IRAG1: variants seen among roughly 807,000 people sequenced by gnomAD.
IRAG1 encodes inositol 1,4,5-triphosphate receptor associated 1.
Under a neutral mutation model 106.2 loss-of-function variants are expected in IRAG1, and 62 were observed. The observed-to-expected ratio is 0.58, with a 90% CI of 0.48 to 0.72. IRAG1 has a LOEUF of 0.72. Ranked by LOEUF, IRAG1 falls within the 30% of genes least tolerant of loss-of-function variation. The pLI is 0.00. For missense variants in IRAG1, 1,064 were observed against 1,140.7 expected (o/e 0.93, Z 0.97); for synonymous variants, 462 against 443.9 (o/e 1.04, Z -0.51).
At chr11:10,597,627 G>C (rs940990270) in intron 15 of IRAG1, among the ~76,000 whole-genome samples, 1 of 152,144 alleles carries the variant, frequency 6.6e-6, no homozygotes, top group African/African-American at 2.4e-5. Context: ...AAAGTGTTAG[G>C]ATTACAGACG....
At chr11:10,606,834 C>T (rs1854515483) in intron 11 of IRAG1, 62 bp from the exon 12 acceptor site, 1 of 1,467,322 alleles carries the variant, frequency 6.8e-7, no homozygotes. Context: ...CCAAAGGTGA[C>T]TCTGAATGAC....
At chr11:10,643,233 C>T (rs1857676984) in intron 2 of IRAG1, among the ~76,000 whole-genome samples, 1 of 144,220 alleles carries the variant, frequency 6.9e-6, no homozygotes, top group Non-Finnish European at 1.5e-5. Context: ...AAATGATTAT[C>T]CCAGCGGCAA....
chr11:10,614,919 CA>C (rs1855273298), intron 10 of IRAG1, among the ~76,000 whole-genome samples: 1 of 152,168 alleles, frequency 6.6e-6, no homozygotes, highest in Admixed American at 6.5e-5. Flanking sequence ...GCAATGGCAA[CA>C]AAAGCCAAAA....
At chr11:10,651,513 G>A (rs1858503710) in intron 2 of IRAG1, among the ~76,000 whole-genome samples, 2 of 152,116 alleles carry the variant, frequency 1.3e-5, no homozygotes, top group African/African-American at 4.8e-5. Context: ...AGCTTGTTTT[G>A]AATGCCTCAT....
intron 1 of IRAG1, among the ~76,000 whole-genome samples, chr11:10,686,183 C>T (rs1237204387): frequency 6.6e-6 from 1 of 152,070 alleles, no homozygotes; most frequent in Non-Finnish European, 1.5e-5. Flanking sequence ...GGTACTTATT[C>T]AGGTATAAGT....
chr11:10,666,383 CA>C (rs1859786473), intron 1 of IRAG1, among the ~76,000 whole-genome samples: 1 of 152,208 alleles, frequency 6.6e-6, no homozygotes, highest in African/African-American at 2.4e-5. Flanking sequence ...GGTTTGAGCT[CA>C]GGGGAGCCTG....
At chr11:10,606,835 T>C in intron 11 of IRAG1, 63 bp from the exon 12 acceptor site, 1 of 1,467,620 alleles carries the variant, frequency 6.8e-7, no homozygotes, top group Non-Finnish European at 9.2e-7. Context: ...CAAAGGTGAC[T>C]CTGAATGACC....
chr11:10,670,091 T>C (rs1874444), intron 1 of IRAG1, among the ~76,000 whole-genome samples: 33,063 of 152,242 alleles, frequency 0.22, 4,999 homozygotes, highest in East Asian at 0.81. Flanking sequence ...CACCTTGTTT[T>C]TGGCTTTTGC....
At chr11:10,592,734 C>A (rs1564895301) in intron 17 of IRAG1, among the ~76,000 whole-genome samples, 1 of 152,072 alleles carries the variant, frequency 6.6e-6, no homozygotes, top group East Asian at 1.9e-4. Flanking sequence ...CCAATACATT[C>A]TTATTATAGA....
chr11:10,638,179 T>C (rs999164325), intron 2 of IRAG1, among the ~76,000 whole-genome samples: 2 of 152,192 alleles, frequency 1.3e-5, no homozygotes, highest in African/African-American at 4.8e-5. Flanking sequence ...CTAGTAGTGT[T>C]TACAAGTTTT....
chr11:10,637,336 C>T (rs138867704), intron 2 of IRAG1, among the ~76,000 whole-genome samples: 2 of 152,112 alleles, frequency 1.3e-5, no homozygotes, highest in African/African-American at 4.8e-5. Context: ...CCTCATGATC[C>T]CAGAGCTCCA....
chr11:10,601,180 C>T, intron 14 of IRAG1, 121 bp from the exon 15 acceptor site: 2 of 1,361,178 alleles, frequency 1.5e-6, no homozygotes, highest in Non-Finnish European at 2.0e-6. Context: ...CAAGACTCTG[C>T]CCTCTGAAGA....
chr11:10,691,782 G>A lies in IRAG1; in HGVS notation c.67+1754C>T, dbSNP rs11042923. Among the ~76,000 whole-genome samples the A allele has an allele frequency of 3.7e-3, 559 of 152,196 alleles. 13 individuals carry two copies. In the East Asian group the frequency reaches 0.059, roughly 16 times the overall value. On this transcript the variant is annotated intron_variant, in intron 1 of 20. Coordinates refer to ENST00000423302, the MANE Select transcript of IRAG1 (RefSeq NM_130385.4). ...TTGCAAGGGGGCCGGTGATTCCCCC[G>A]CTGCACTCTGACATGGGGTCCCAAG... is the stretch of plus-strand genomic sequence containing the variant.
chr11:10,598,785 A>T (rs966896614), intron 15 of IRAG1, among the ~76,000 whole-genome samples: 4 of 152,254 alleles, frequency 2.6e-5, no homozygotes, highest in African/African-American at 9.6e-5. Context: ...TAAGGAAATA[A>T]TCTAAAATGC....
chr11:10,686,666 C>T (rs188592211), intron 1 of IRAG1, among the ~76,000 whole-genome samples: 13 of 151,952 alleles, frequency 8.6e-5, no homozygotes, highest in African/African-American at 2.2e-4. Context: ...CTCTGTCCTG[C>T]AGCCAGGTCT....
At chr11:10,632,689 C>T (rs149668135) in intron 3 of IRAG1, among the ~76,000 whole-genome samples, 19 of 152,320 alleles carry the variant, frequency 1.2e-4, no homozygotes, top group Non-Finnish European at 2.2e-4. Context: ...GTTTTCCAAC[C>T]ACTGCCCTAA....
At chr11:10,614,459 A>C (rs1478411153) in intron 10 of IRAG1, among the ~76,000 whole-genome samples, 1 of 152,236 alleles carries the variant, frequency 6.6e-6, no homozygotes. Context: ...TTCATGTGGA[A>C]CCGAAAAAGA....
chr11:10,600,943 A>C lies in IRAG1; in HGVS notation c.1992T>G (p.Asn664Lys). 1.2e-6 allele frequency: 2 copies of C among 1,614,070 alleles called. No homozygotes were observed. Among genetic ancestry groups the C allele is most frequent in the Non-Finnish European group, 1.7e-6 (2 of 1,179,898 alleles). The part of the protein sequence containing the change: ...LMEFKKLANQ[N>K]SSRSCGPSED... ...CAGAGGGGCCACAGCTGCGGCTTGAATTCTGATTTGCAAGCTTTTTAAACT... is the reference window on the plus strand; with the variant it reads ...CAGAGGGGCCACAGCTGCGGCTTGACTTCTGATTTGCAAGCTTTTTAAACT... Residue 664 changes from asparagine to lysine, a missense_variant, in exon 15 of 21, where the codon AAT (asparagine) becomes AAG (lysine). Coordinates refer to ENST00000423302, the MANE Select transcript of IRAG1 (RefSeq NM_130385.4).
At chr11:10,595,000 C>G (rs993464176) in intron 15 of IRAG1, among the ~76,000 whole-genome samples, 5 of 152,182 alleles carry the variant, frequency 3.3e-5, no homozygotes, top group Non-Finnish European at 1.5e-5. Context: ...TCTTGGTTCA[C>G]TGCAACCTCC....
Sources: gnomAD v4.1 joint callset for allele counts (sites outside exome capture counted in the v4.1 genomes callset) on GRCh38, gnomAD v4.1.1 for gene constraint, MANE v1.5 for transcripts, NCBI Gene and HGNC (gene_info 2026-07-23, HGNC 2026-07-21) for gene names.